The following DNM1L variants were observed in gnomAD, a reference collection of about 807,000 sequenced individuals.
The protein encoded by DNM1L is dynamin 1L, also known as dynamin-1-like protein.
In DNM1L, 33 loss-of-function variants were observed where a neutral mutation model predicts 92.8. That is an observed-to-expected ratio of 0.36 (90% CI 0.27 to 0.48). The LOEUF is 0.48. Ranked by LOEUF, DNM1L falls within the 20% of genes least tolerant of loss-of-function variation. The probability of loss-of-function intolerance (pLI) is 0.99; values close to 1 mark genes in which losing one functional copy is unlikely to be tolerated. For missense variants in DNM1L, 485 were observed against 888.8 expected (o/e 0.55, Z 5.78); for synonymous variants, 284 against 305.0 (o/e 0.93, Z 0.72).
intron 1 of DNM1L, among the ~76,000 whole-genome samples, chr12:32,687,811 T>C (rs1952082230): frequency 6.6e-6 from 1 of 152,188 alleles, no homozygotes; most frequent in African/African-American, 2.4e-5. Flanking sequence ...CTTTGATTAC[T>C]GTAGCTTTGG....
chr12:32,722,705 T>G, intron 9 of DNM1L, 72 bp downstream of exon 9: 6 of 1,136,520 alleles, frequency 5.3e-6, no homozygotes, highest in Non-Finnish European at 7.9e-6. Context: ...TGAAGATGAC[T>G]TCAGCTCAGA....
At chr12:32,712,649 C>CAAAAAAAA (rs59906286) in intron 5 of DNM1L, among the ~76,000 whole-genome samples, 30 of 29,784 alleles carry the variant, frequency 1.0e-3, no homozygotes, top group East Asian at 1.6e-3. Context: ...GACCCTGTCT[C>CAAAAAAAA]AAAAAAAAAA....
At chr12:32,737,485 A>C in intron 14 of DNM1L, 1 of 385,534 alleles carries the variant, frequency 2.6e-6, no homozygotes, top group Non-Finnish European at 4.7e-6. Context: ...TATTATAATA[A>C]GAGGGTTTCT....
Position 32,707,421 on chromosome 12 carries a change from C to T in DNM1L, c.297+8C>T, listed in dbSNP as rs754389728. ...CTTCACACCAAAAATAAGGTAATCA[C>T]ACATGCATATAATGAAGAAATAATG... On this transcript the variant is annotated splice_region_variant and intron_variant, in intron 3 of 19. Coordinates refer to ENST00000549701, the MANE Select transcript of DNM1L (RefSeq NM_012062.5). 3 of 1,587,244 alleles carry T rather than the reference C, an allele frequency of 1.9e-6. No individual in the cohort carries two copies. In the South Asian group the frequency reaches 3.5e-5, roughly 18 times the overall value.
Position 32,743,673 on chromosome 12 carries a change from C to CT in DNM1L, c.*265dup. The stretch of plus-strand genomic sequence containing the variant: ...TTGTGACAGTTTCATCTGAACTTAA[C>CT]TTAAAAACAACTGTTAATGTTCTAG... On this transcript the variant is annotated 3_prime_UTR_variant, in exon 20 of 20. Coordinates refer to ENST00000549701, the MANE Select transcript of DNM1L (RefSeq NM_012062.5). 1 of 475,450 alleles carries CT rather than the reference C, an allele frequency of 2.1e-6. No homozygotes were observed. The highest frequency in any genetic ancestry group is 2.9e-5 in the South Asian group (1 of 34,408). 29.5% of individuals were successfully genotyped at this position (475,450 alleles called of 1,614,324 possible).
chr12:32,740,324 T>C, intron 17 of DNM1L, 84 bp downstream of exon 17: 1 of 1,611,148 alleles, frequency 6.2e-7, no homozygotes, highest in South Asian at 1.1e-5. Flanking sequence ...ACTAAAAGTC[T>C]CAAAAACTTA....
chr12:32,698,186 C>T (rs1952550224), intron 1 of DNM1L, among the ~76,000 whole-genome samples: 1 of 152,188 alleles, frequency 6.6e-6, no homozygotes, highest in South Asian at 2.1e-4. Flanking sequence ...ATTTAACTCT[C>T]CAGATCCATT....
chr12:32,743,142 G>A (rs922098107), intron 19 of DNM1L, among the ~76,000 whole-genome samples: 6 of 151,770 alleles, frequency 4.0e-5, no homozygotes, highest in East Asian at 3.9e-4. Context: ...TGATCCGCCC[G>A]CCTCGACCTC....
At chr12:32,688,222 C>A (rs1419903625) in intron 1 of DNM1L, among the ~76,000 whole-genome samples, 2 of 152,132 alleles carry the variant, frequency 1.3e-5, no homozygotes, top group Admixed American at 6.6e-5. Flanking sequence ...ACTGTGTGGG[C>A]CCCGTATGAA....
At chr12:32,724,219 G>A (rs1953953832) in intron 9 of DNM1L, among the ~76,000 whole-genome samples, 2 of 152,022 alleles carry the variant, frequency 1.3e-5, no homozygotes, top group African/African-American at 4.8e-5. Flanking sequence ...TTACTACTAT[G>A]CAGTCATACA....
chr12:32,711,194 C>A, intron 5 of DNM1L, 179 bp downstream of exon 5: 1 of 601,770 alleles, frequency 1.7e-6, no homozygotes, highest in South Asian at 1.9e-5. Context: ...CCACACTCTA[C>A]AGGTTTATCT....
intron 9 of DNM1L, chr12:32,726,339 A>G (rs1215900641): frequency 2.3e-5 from 34 of 1,504,540 alleles, no homozygotes; most frequent in Non-Finnish European, 2.9e-5. Context: ...TGTTTAGGCT[A>G]GGACAGTGCA....
Position 32,722,651 on chromosome 12 carries a change from C to T in DNM1L, c.1079+18C>T. On this transcript the variant is annotated intron_variant, in intron 9 of 19. Transcript: ENST00000549701. Reference sequence around the variant, plus strand: ...TCGGAGCTGTAAGTAAGAAATTTTTCTGTAGATTTGGTTACCTAGATTGCT... The same window carrying T: ...TCGGAGCTGTAAGTAAGAAATTTTTTTGTAGATTTGGTTACCTAGATTGCT... 1 of 1,599,592 alleles carries T rather than the reference C, an allele frequency of 6.3e-7. No homozygotes were observed. Among genetic ancestry groups the T allele is most frequent in the African/African-American group, 1.3e-5 (1 of 74,714 alleles).
At chr12:32,736,779 C>G (rs1954912742) in intron 13 of DNM1L, among the ~76,000 whole-genome samples, 1 of 152,142 alleles carries the variant, frequency 6.6e-6, no homozygotes, top group African/African-American at 2.4e-5. Flanking sequence ...TATGTGAGGA[C>G]AGTTTACATC....
At chr12:32,741,195 C>T (rs2030747) in intron 18 of DNM1L, among the ~76,000 whole-genome samples, 23,393 of 152,106 alleles carry the variant, frequency 0.15, 1,905 homozygotes, top group Middle Eastern at 0.21. Flanking sequence ...TTTTTAAACC[C>T]GTAGCTTGTA....
At position 32,722,414 on chromosome 12, in the gene DNM1L, T is replaced by A; in HGVS notation, c.873-13T>A. 1 of 1,609,866 alleles carries A rather than the reference T, an allele frequency of 6.2e-7. No homozygotes were observed. Among genetic ancestry groups the A allele is most frequent in the Non-Finnish European group, 8.5e-7 (1 of 1,178,474 alleles). On this transcript the variant is annotated splice_polypyrimidine_tract_variant and intron_variant, in intron 8 of 19. Transcript: ENST00000549701. ...ATTTTACTTTTAAATCCTTCCTTTC[T>A]AACCTTTTTTAGGTTACTGATGCAT...
intron 1 of DNM1L, among the ~76,000 whole-genome samples, chr12:32,683,203 A>C (rs532955199): frequency 9.9e-5 from 15 of 152,252 alleles, no homozygotes; most frequent in Middle Eastern, 6.8e-3. Context: ...ATTCAGACAA[A>C]TGTAAAAGGA....
rs1955575693 is a variant in DNM1L, at chr12:32,745,213, A to AAATT, written c.*1805_*1808dup. 4.5e-6 allele frequency: 1 copy of AAATT among 224,320 alleles called. No individual in the cohort carries two copies. The highest frequency in any genetic ancestry group is 2.4e-5 in the African/African-American group (1 of 42,506). 13.9% of individuals were successfully genotyped at this position (224,320 alleles called of 1,614,324 possible). ...CTGCCATCATTAAGCATCAGTTTCA[A>AAATT]AATTATAGCCATTCATGATTTACTT... On this transcript the variant is annotated 3_prime_UTR_variant, in exon 20 of 20. Transcript: ENST00000549701.
chr12:32,718,722 G>T lies in DNM1L; in HGVS notation c.699G>T (p.Arg233Ser). Residue 233 changes from arginine to serine, a missense_variant, in exon 7 of 20, where the codon AGG becomes AGT. Coordinates refer to ENST00000549701, the MANE Select transcript of DNM1L (RefSeq NM_012062.5). The stretch of plus-strand genomic sequence containing the variant: ...ATGCCATGGATGTATTGATGGGAAG[G>T]GTTATTCCAGTCAAACTTGGAATAA... The part of the protein sequence containing the change: ...GTDAMDVLMG[R>S]VIPVKLGIIG... 1 of 1,613,860 alleles carries T rather than the reference G, an allele frequency of 6.2e-7. No individual in the cohort carries two copies. Among genetic ancestry groups the T allele is most frequent in the Non-Finnish European group, 8.5e-7 (1 of 1,179,882 alleles).
Sources: gnomAD v4.1 joint callset for allele counts (sites outside exome capture counted in the v4.1 genomes callset) on GRCh38, gnomAD v4.1.1 for gene constraint, MANE v1.5 for transcripts, NCBI Gene and HGNC (gene_info 2026-07-23, HGNC 2026-07-21) for gene names.